The following NCAM2 variants were observed in gnomAD, a reference collection of about 807,000 sequenced individuals.
The protein encoded by NCAM2 is neural cell adhesion molecule 2.
In NCAM2, 30 loss-of-function variants were observed where a neutral mutation model predicts 98.1. The ratio of observed to expected loss-of-function variants is 0.31; its 90% CI spans 0.23 to 0.41. The LOEUF is 0.41. Among genes scored for constraint, NCAM2 ranks in the 10% least tolerant of loss-of-function variants. The probability of loss-of-function intolerance (pLI) is 1.00; values close to 1 mark genes in which losing one functional copy is unlikely to be tolerated. For missense variants in NCAM2, 867 were observed against 1,005.8 expected (o/e 0.86, Z 1.87); for synonymous variants, 368 against 342.4 (o/e 1.07, Z -0.83).
chr21:21,320,406 T>C (rs1321866421), intron 5 of NCAM2, among the ~76,000 whole-genome samples: 4 of 152,200 alleles, frequency 2.6e-5, no homozygotes, highest in Non-Finnish European at 5.9e-5. Flanking sequence ...TTTTAAATTT[T>C]GTATGCATTT....
At chr21:21,280,719 C>A in intron 2 of NCAM2, 67 bp downstream of exon 2, 1 of 979,252 alleles carries the variant, frequency 1.0e-6, no homozygotes, top group Non-Finnish European at 1.5e-6. Context: ...AATGTGTTGG[C>A]TAAATTTAAC....
At chr21:21,056,950 C>A (rs1237286876) in intron 1 of NCAM2, among the ~76,000 whole-genome samples, 1 of 151,940 alleles carries the variant, frequency 6.6e-6, no homozygotes, top group African/African-American at 2.4e-5. Flanking sequence ...TATATACCCT[C>A]TTTAATTATA....
At chr21:21,470,095 ACTT>A (rs1461910451) in intron 14 of NCAM2, among the ~76,000 whole-genome samples, 1 of 152,004 alleles carries the variant, frequency 6.6e-6, no homozygotes, top group Non-Finnish European at 1.5e-5. Context: ...TGCAATGACT[ACTT>A]GTGAGACAAC....
intron 9 of NCAM2, among the ~76,000 whole-genome samples, chr21:21,392,795 G>A (rs2076409038): frequency 6.6e-6 from 1 of 152,058 alleles, no homozygotes. Flanking sequence ...TTTTAATGGG[G>A]TTGGTTTTTT....
At chr21:21,181,549 A>T (rs1430405204) in intron 1 of NCAM2, among the ~76,000 whole-genome samples, 2 of 152,136 alleles carry the variant, frequency 1.3e-5, no homozygotes, top group Non-Finnish European at 2.9e-5. Flanking sequence ...GAATTTTGTG[A>T]ATGTGCCTAT....
At chr21:21,042,845 A>G (rs1163964047) in intron 1 of NCAM2, among the ~76,000 whole-genome samples, 1 of 152,234 alleles carries the variant, frequency 6.6e-6, no homozygotes, top group Admixed American at 6.5e-5. Context: ...AAATAACAAC[A>G]TAATTTATTT....
At chr21:21,470,580 C>G (rs186257495) in intron 14 of NCAM2, among the ~76,000 whole-genome samples, 1 of 152,156 alleles carries the variant, frequency 6.6e-6, no homozygotes, top group East Asian at 1.9e-4. Context: ...TCGCCTTTCT[C>G]TTTCTCCTCC....
intron 9 of NCAM2, among the ~76,000 whole-genome samples, chr21:21,408,260 A>C (rs1244324049): frequency 6.6e-6 from 1 of 152,172 alleles, no homozygotes; most frequent in Admixed American, 6.6e-5. Context: ...GAACTCAGTC[A>C]GTTGAAGGGA....
intron 1 of NCAM2, among the ~76,000 whole-genome samples, chr21:21,222,859 T>C (rs921556031): frequency 6.6e-6 from 1 of 152,184 alleles, no homozygotes; most frequent in African/African-American, 2.4e-5. Flanking sequence ...ATCAAAAACA[T>C]TGAATCCTAT....
At chr21:21,473,653 A>C (rs1984772156) in intron 14 of NCAM2, among the ~76,000 whole-genome samples, 1 of 151,916 alleles carries the variant, frequency 6.6e-6, no homozygotes, top group East Asian at 1.9e-4. Flanking sequence ...ATAATTGTTC[A>C]GTTTATATTT....
At chr21:21,386,530 C>A (rs886162387) in intron 9 of NCAM2, among the ~76,000 whole-genome samples, 2 of 152,072 alleles carry the variant, frequency 1.3e-5, no homozygotes, top group African/African-American at 2.4e-5. Context: ...TCTCTTCATC[C>A]AGAAGATAAA....
chr21:21,265,411 T>TGTATATATATTATATATACAC lies in NCAM2; in HGVS notation c.56-15167_56-15166insGTATATATATTATATATACAC, dbSNP rs2072207216. ...GTACACACCATATATTATATATGTG[T>TGTATATATATTATATATACAC]ATATATAATATATGTGTGTATATAT... On this transcript the variant is annotated intron_variant, in intron 1 of 17. Transcript: ENST00000400546. Among the ~76,000 whole-genome samples, 78 of 59,650 alleles carry TGTATATATATTATATATACAC rather than the reference T, an allele frequency of 1.3e-3. 2 individuals carry two copies. Among genetic ancestry groups the TGTATATATATTATATATACAC allele is most frequent in the African/African-American group, 3.4e-3 (64 of 19,008 alleles). The allele number at this position is 59,650 out of a possible 152,430, so 39.1% of individuals were successfully genotyped here.
At chr21:21,298,776 G>A (rs561980479) in intron 5 of NCAM2, among the ~76,000 whole-genome samples, 2 of 151,480 alleles carry the variant, frequency 1.3e-5, no homozygotes, top group South Asian at 4.1e-4. Flanking sequence ...AGTACACTTA[G>A]TGTCATAATA....
chr21:20,998,975 G>A (rs2063970272), intron 1 of NCAM2, among the ~76,000 whole-genome samples: 2 of 152,150 alleles, frequency 1.3e-5, no homozygotes, highest in South Asian at 4.1e-4. Flanking sequence ...CTGAGGTTGC[G>A]GAAGGAAAGG....
chr21:21,207,433 G>T (rs1242032622), intron 1 of NCAM2, among the ~76,000 whole-genome samples: 1 of 152,138 alleles, frequency 6.6e-6, no homozygotes, highest in Non-Finnish European at 1.5e-5. Flanking sequence ...GGAAATTAAA[G>T]ATACTGTGTT....
chr21:21,240,056 A>G (rs2071003968), intron 1 of NCAM2, among the ~76,000 whole-genome samples: 2 of 152,094 alleles, frequency 1.3e-5, no homozygotes, highest in African/African-American at 4.8e-5. Flanking sequence ...ACAAAATAAT[A>G]TTATCACCTA....
At chr21:21,508,185 A>G (rs932346501) in intron 15 of NCAM2, among the ~76,000 whole-genome samples, 10 of 152,170 alleles carry the variant, frequency 6.6e-5, no homozygotes, top group Admixed American at 5.2e-4. Flanking sequence ...GTAGAAACTA[A>G]CAAAAGGTCA....
At chr21:21,310,551 G>C (rs1383002285) in intron 5 of NCAM2, among the ~76,000 whole-genome samples, 1 of 152,138 alleles carries the variant, frequency 6.6e-6, no homozygotes, top group Non-Finnish European at 1.5e-5. Flanking sequence ...CTTTAGATCA[G>C]GAACTGACTT....
In NCAM2 at chr21:21,466,633, C is replaced by A. The variant is rs779499761; in HGVS notation, c.1682C>A (p.Pro561Gln). The A allele has an allele frequency of 2.0e-5, 32 of 1,605,482 alleles. No homozygotes were observed. Among genetic ancestry groups the A allele is most frequent in the Non-Finnish European group, 2.7e-5 (32 of 1,175,254 alleles). The change falls in exon 13 of 18, where the codon CCA becomes CAA. Residue 561 changes from proline (P) to glutamine (Q), a missense_variant. Transcript: ENST00000400546. ...ATGGTTGTTTTGAACAACCTGGAAC[C>A]AAATACAACTTATGAAATCAGGGTT... The part of the protein sequence containing the change: ...QTMVVLNNLE[P>Q]NTTYEIRVAA...
Sources: gnomAD v4.1 joint callset for allele counts (sites outside exome capture counted in the v4.1 genomes callset) on GRCh38, gnomAD v4.1.1 for gene constraint, MANE v1.5 for transcripts, NCBI Gene and HGNC (gene_info 2026-07-23, HGNC 2026-07-21) for gene names.